JCHAIN: variants seen among roughly 807,000 people sequenced by gnomAD.
The protein encoded by JCHAIN is immunoglobulin J chain.
A neutral mutation model predicts 11.1 loss-of-function variants in JCHAIN; 5 were observed. The observed-to-expected ratio is 0.45, with a 90% confidence interval of 0.24 to 0.95. The LOEUF (loss-of-function observed/expected upper bound fraction) is 0.95. JCHAIN is among the 40% of genes least tolerant of loss of function. The probability of loss-of-function intolerance (pLI) is 0.21; values close to 1 mark genes in which losing one functional copy is unlikely to be tolerated. For synonymous variants in JCHAIN, 51 were observed against 67.8 expected (o/e 0.75, Z 1.22); for missense variants, 165 against 192.7 (o/e 0.86, Z 0.85).
At position 70,656,754 on chromosome 4, in the gene JCHAIN, A is replaced by G. The variant is rs77718758; in HGVS notation, c.270-215T>C. ...TTGAAAGTAAGCAATATAATTAATGATATGATAATATGATTGTTTTATCTA... is the reference window on the plus strand; with the variant it reads ...TTGAAAGTAAGCAATATAATTAATGGTATGATAATATGATTGTTTTATCTA... On this transcript the variant is annotated intron_variant, in intron 3 of 3. Transcript: ENST00000254801. Among the ~76,000 whole-genome samples, 959 of 152,296 alleles carry G rather than the reference A, an allele frequency of 6.3e-3. 12 individuals carry two copies. The highest frequency in any genetic ancestry group is 0.022 in the African/African-American group (900 of 41,562).
intron 3 of JCHAIN, among the ~76,000 whole-genome samples, chr4:70,656,880 TTGA>T (rs1738960344): frequency 6.6e-6 from 1 of 152,164 alleles, no homozygotes; most frequent in Middle Eastern, 3.2e-3. Context: ...TTTAAAAAAA[TTGA>T]TGTTGGAGTC....
rs184131259 is a variant in JCHAIN, at chr4:70,655,961, G to C, written c.*368C>G. On this transcript the variant is annotated 3_prime_UTR_variant, in exon 4 of 4. Transcript: ENST00000254801. The stretch of plus-strand genomic sequence containing the variant: ...CAAAGTCAAAAAAAAAAAAAAAAGC[G>C]GGGGGGAATGCGAGGAACATTTTAT... 4.7e-3 allele frequency: 716 copies of C among 152,542 alleles called. 5 individuals are homozygous for C. Among genetic ancestry groups the C allele is most frequent in the African/African-American group, 0.012 (479 of 40,916 alleles). The allele number at this position is 152,542 out of a possible 1,614,324, so 9.4% of individuals were successfully genotyped here.
In JCHAIN at chr4:70,660,682, C is replaced by T. The variant is rs1032643708; in HGVS notation, c.188+1410G>A. Among the ~76,000 whole-genome samples the T allele has an allele frequency of 2.0e-5, 3 of 152,104 alleles. No individual in the cohort carries two copies. In the South Asian group the frequency reaches 6.2e-4, roughly 31 times the overall value. ...TACAGGCATGAGCCACCGTGCCCAGCCCCAGTAGTGCTGAATTTTTAAACA... is the reference window on the plus strand; with the variant it reads ...TACAGGCATGAGCCACCGTGCCCAGTCCCAGTAGTGCTGAATTTTTAAACA... On this transcript the variant is annotated intron_variant, in intron 2 of 3. Transcript: ENST00000254801.
intron 2 of JCHAIN, among the ~76,000 whole-genome samples, chr4:70,657,855 G>T (rs73824825): frequency 0.04 from 6,088 of 152,120 alleles, 410 homozygotes; most frequent in African/African-American, 0.13. Context: ...AAATAGGAGA[G>T]GTTAGTGATC....
At chr4:70,660,908 T>C (rs931822380) in intron 2 of JCHAIN, among the ~76,000 whole-genome samples, 1 of 152,202 alleles carries the variant, frequency 6.6e-6, no homozygotes, top group Non-Finnish European at 1.5e-5. Context: ...CCCAGAAATA[T>C]ATAAGCTCTA....
At chr4:70,657,176 AC>A in intron 3 of JCHAIN, 34 bp downstream of exon 3, 1 of 1,119,696 alleles carries the variant, frequency 8.9e-7, no homozygotes, top group Admixed American at 1.9e-5. Flanking sequence ...ATTAACTTCC[AC>A]ATCTATATTA....
intron 1 of JCHAIN, chr4:70,663,665 A>T (rs1739099910): frequency 6.6e-6 from 1 of 152,024 alleles, no homozygotes; most frequent in Admixed American, 6.6e-5. Flanking sequence ...GGTTCAAGTG[A>T]TTCTCCTGCC....
At chr4:70,666,046 T>C (rs1235449809) in intron 1 of JCHAIN, among the ~76,000 whole-genome samples, 2 of 152,158 alleles carry the variant, frequency 1.3e-5, no homozygotes, top group African/African-American at 4.8e-5. Context: ...TTTGGGGAAA[T>C]AAAATCCCAA....
intron 3 of JCHAIN, 76 bp downstream of exon 3, chr4:70,657,135 A>T (rs1191107224): frequency 2.6e-6 from 2 of 762,798 alleles, no homozygotes; most frequent in Non-Finnish European, 4.5e-6. Flanking sequence ...TTTTAAAAAC[A>T]TTCTTACTAA....
At position 70,666,435 on chromosome 4, in the gene JCHAIN, T is replaced by C. The variant is rs746378954; in HGVS notation, c.56A>G (p.His19Arg). Residue 19 changes from histidine to arginine, a missense_variant, in exon 1 of 4, where the codon CAT (histidine) becomes CGT (arginine). Coordinates refer to ENST00000254801, the MANE Select transcript of JCHAIN (RefSeq NM_144646.4). ...TTCTAAATATCACATACCTTTCACATGAACAGCCTTAATAAAAACCGCCAG... is the reference window on the plus strand; with the variant it reads ...TTCTAAATATCACATACCTTTCACACGAACAGCCTTAATAAAAACCGCCAG... ...GVLAVFIKAV[H>R]VKAQEDERIV... is the part of the protein sequence containing the mutation. 3.3e-5 allele frequency: 53 copies of C among 1,607,578 alleles called. No homozygotes were observed. The Admixed American group carries it at 8.7e-4, about 26-fold the overall frequency.
In JCHAIN at chr4:70,655,995, C is replaced by T. The variant is rs1437239756; in HGVS notation, c.*334G>A. ...TGCGAGGAACATTTTATTACACCTC[C>T]TGATTTTCAGTCCTTGAGTTTTATT... On this transcript the variant is annotated 3_prime_UTR_variant, in exon 4 of 4. Coordinates refer to ENST00000254801, the MANE Select transcript of JCHAIN (RefSeq NM_144646.4). 2 of 164,072 alleles carry T rather than the reference C, an allele frequency of 1.2e-5. No individual in the cohort carries two copies. The highest frequency in any genetic ancestry group is 2.5e-5 in the Non-Finnish European group (2 of 80,916). 10.2% of individuals were successfully genotyped at this position (164,072 alleles called of 1,614,324 possible).
intron 1 of JCHAIN, among the ~76,000 whole-genome samples, chr4:70,664,816 A>G (rs142450547): frequency 2.6e-5 from 4 of 152,356 alleles, no homozygotes; most frequent in African/African-American, 9.6e-5. Flanking sequence ...GAAAATGTCT[A>G]TATTCTATTA....
In JCHAIN at chr4:70,656,060, T is replaced by A. The variant is rs550818986; in HGVS notation, c.*269A>T. ...ATTTGTTTAATGCTAGAAACTGTAT[T>A]CCTAAGAGAGCATACCTCTTTCAGG... On this transcript the variant is annotated 3_prime_UTR_variant, in exon 4 of 4. Transcript: ENST00000254801. 4 of 327,732 alleles carry A rather than the reference T, an allele frequency of 1.2e-5. No individual in the cohort carries two copies. In the South Asian group the frequency reaches 2.9e-4, roughly 24 times the overall value. The allele number at this position is 327,732 out of a possible 1,614,324, so 20.3% of individuals were successfully genotyped here. A position where few individuals can be genotyped will look rare whatever the true frequency, so the allele number is the denominator to read the frequency against.
chr4:70,656,675 A>T (rs1188748636), intron 3 of JCHAIN, 136 bp from the exon 4 acceptor site: 2 of 655,372 alleles, frequency 3.1e-6, no homozygotes, highest in Non-Finnish European at 5.5e-6. Flanking sequence ...AGACATAAGC[A>T]GCTCTACAAT....
chr4:70,660,255 C>T (rs1739028795), intron 2 of JCHAIN, among the ~76,000 whole-genome samples: 1 of 151,986 alleles, frequency 6.6e-6, no homozygotes. Context: ...TGAACTAAGA[C>T]ATGCACATTG....
At chr4:70,660,685 C>T (rs1739037681) in intron 2 of JCHAIN, among the ~76,000 whole-genome samples, 1 of 151,876 alleles carries the variant, frequency 6.6e-6, no homozygotes, top group African/African-American at 2.4e-5. Flanking sequence ...TGCCCAGCCC[C>T]AGTAGTGCTG....
At chr4:70,661,474 C>T (rs572144412) in intron 2 of JCHAIN, among the ~76,000 whole-genome samples, 1 of 152,138 alleles carries the variant, frequency 6.6e-6, no homozygotes, top group African/African-American at 2.4e-5. Flanking sequence ...TGATCAAAGG[C>T]AACTGAAAGT....
intron 2 of JCHAIN, among the ~76,000 whole-genome samples, chr4:70,659,833 T>C (rs903615416): frequency 6.6e-6 from 1 of 151,832 alleles, no homozygotes; most frequent in Admixed American, 6.6e-5. Context: ...CACCACTGCA[T>C]TCCAACCCGG....
At position 70,655,753 on chromosome 4, in the gene JCHAIN, AT is replaced by A. The variant is rs1738936177; in HGVS notation, c.*575del. On this transcript the variant is annotated 3_prime_UTR_variant, in exon 4 of 4. Coordinates refer to ENST00000254801, the MANE Select transcript of JCHAIN (RefSeq NM_144646.4). Reference sequence around the variant, plus strand: ...ATTATGCATTTATTTTGCTACTTTTATAAATATTAGAGATTTCACCTTAAAT... The same window carrying A: ...ATTATGCATTTATTTTGCTACTTTTAAAATATTAGAGATTTCACCTTAAAT... The A allele has an allele frequency of 1.3e-5, 2 of 152,184 alleles. No individual in the cohort carries two copies. Among genetic ancestry groups the A allele is most frequent in the African/African-American group, 2.4e-5 (1 of 41,470 alleles). The allele number at this position is 152,184 out of a possible 1,614,324, so 9.4% of individuals were successfully genotyped here.
Sources: allele counts gnomAD v4.1 joint callset (sites outside exome capture counted in the v4.1 genomes callset), GRCh38; gene constraint gnomAD v4.1.1; transcripts MANE v1.5; gene names NCBI Gene and HGNC (gene_info 2026-07-23, HGNC 2026-07-21).